LIMS1: variants seen among roughly 807,000 people sequenced by gnomAD.
The protein encoded by LIMS1 is LIM zinc finger domain containing 1.
Under a neutral mutation model 44.1 loss-of-function variants are expected in LIMS1, and 18 were observed. That is an observed-to-expected ratio of 0.41 (90% confidence interval 0.28 to 0.61). The LOEUF (loss-of-function observed/expected upper bound fraction) is 0.61, where lower values mean the gene tolerates loss of function less well. Among genes scored for constraint, LIMS1 ranks in the 20% least tolerant of loss-of-function variants. The pLI, the probability that LIMS1 is intolerant of heterozygous loss-of-function variation, is 0.32. For synonymous variants in LIMS1, 93 were observed against 149.1 expected, an observed-to-expected ratio of 0.62 and a Z score of 2.74; for missense variants, 201 against 422.0, an observed-to-expected ratio of 0.48 and a Z score of 4.59.
intron 1 of LIMS1, among the ~76,000 whole-genome samples, chr2:108,585,150 CAAAA>C (rs35679577): frequency 5.8e-5 from 4 of 69,356 alleles, no homozygotes; most frequent in African/African-American, 5.9e-5. Context: ...GACTCCGTCT[CAAAA>C]AAAAAAAAAA....
chr2:108,578,333 G>T lies in LIMS1; in HGVS notation c.32+43739G>T, dbSNP rs1306437413. ...TATTAGCATGTGTATATGTAAAGAT[G>T]TGTTTCATATATTTTTAATCTCTAC... On this transcript the variant is annotated intron_variant, in intron 1 of 9. Transcript: ENST00000544547. Among the ~76,000 whole-genome samples, 3 of 152,128 alleles carry T rather than the reference G, an allele frequency of 2.0e-5. No homozygotes were observed. The East Asian group carries it at 5.8e-4, about 29-fold the overall frequency.
intron 1 of LIMS1, among the ~76,000 whole-genome samples, chr2:108,609,853 AT>A (rs1347191927): frequency 1.5e-5 from 2 of 136,232 alleles, no homozygotes; most frequent in African/African-American, 5.0e-5. Context: ...ACTTAAAAAT[AT>A]TTTATTGGCC....
chr2:108,608,719 C>T (rs1687415830), intron 1 of LIMS1, among the ~76,000 whole-genome samples: 1 of 152,126 alleles, frequency 6.6e-6, no homozygotes. Context: ...TTTTCTTGAT[C>T]TTGAGAGAAG....
At chr2:108,679,357 A>G (rs1455614950) in intron 8 of LIMS1, among the ~76,000 whole-genome samples, 4 of 151,902 alleles carry the variant, frequency 2.6e-5, no homozygotes, top group Non-Finnish European at 5.9e-5. Flanking sequence ...GTGCATGCCT[A>G]TGATCCCAGC....
At chr2:108,606,814 T>G (rs1687294046) in intron 1 of LIMS1, among the ~76,000 whole-genome samples, 1 of 152,278 alleles carries the variant, frequency 6.6e-6, no homozygotes, top group East Asian at 1.9e-4. Context: ...TGGAGGTTCA[T>G]CCACATAGAG....
intron 1 of LIMS1, among the ~76,000 whole-genome samples, chr2:108,600,797 A>G (rs13029521): frequency 8.5e-5 from 13 of 152,382 alleles, no homozygotes; most frequent in South Asian, 4.1e-4. Flanking sequence ...TTGGAAATCC[A>G]GTAATGTGAT....
At chr2:108,681,927 T>G (rs910165217) in intron 9 of LIMS1, among the ~76,000 whole-genome samples, 5 of 152,044 alleles carry the variant, frequency 3.3e-5, no homozygotes, top group Non-Finnish European at 7.4e-5. Flanking sequence ...GTTTCGTATC[T>G]AAGCAAAGTC....
rs1236593437 is a variant in LIMS1 at position 108,551,951 on chromosome 2, G to GTA, written c.32+17358_32+17359insAT. On this transcript the variant is annotated intron_variant, in intron 1 of 9. Coordinates refer to ENST00000544547, the Ensembl canonical transcript of LIMS1. Reference sequence around the variant, plus strand: ...TATATGTGTGTGTGTGTGTGTGTGTGTGTATATATATATATATATATGTAT... The same window carrying GTA: ...TATATGTGTGTGTGTGTGTGTGTGTGTATGTATATATATATATATATATGTAT... 3.4e-3 allele frequency among the ~76,000 whole-genome samples: 438 copies of GTA among 128,318 alleles called. 2 individuals carry two copies. The highest frequency in any genetic ancestry group is 8.0e-3 in the South Asian group (34 of 4,250). The allele number at this position is 128,318 out of a possible 152,430, so 84.2% of individuals were successfully genotyped here. A position where few individuals can be genotyped will look rare whatever the true frequency, so the allele number is the denominator to read the frequency against.
At chr2:108,657,209 AC>A (rs1448059884) in intron 1 of LIMS1, among the ~76,000 whole-genome samples, 1 of 141,334 alleles carries the variant, frequency 7.1e-6, no homozygotes, top group African/African-American at 2.6e-5. Context: ...GGAAAAGAGG[AC>A]TTTTCTGCCT....
At chr2:108,553,335 C>A (rs1436995937) in intron 1 of LIMS1, among the ~76,000 whole-genome samples, 1 of 152,130 alleles carries the variant, frequency 6.6e-6, no homozygotes, top group Non-Finnish European at 1.5e-5. Flanking sequence ...CATTGCTCCA[C>A]GATTGAAGCA....
intron 1 of LIMS1, among the ~76,000 whole-genome samples, chr2:108,574,936 C>T (rs573798586): frequency 6.6e-6 from 1 of 152,110 alleles, no homozygotes; most frequent in African/African-American, 2.4e-5. Flanking sequence ...GATCCTACTT[C>T]AGATTTTTGG....
intron 1 of LIMS1, among the ~76,000 whole-genome samples, chr2:108,608,779 C>T (rs574180009): frequency 1.3e-5 from 2 of 152,170 alleles, no homozygotes; most frequent in Admixed American, 1.3e-4. Context: ...CATTCCAGTC[C>T]CCATTCTGTC....
intron 1 of LIMS1, among the ~76,000 whole-genome samples, chr2:108,634,445 A>T (rs1338355218): frequency 6.6e-6 from 1 of 152,218 alleles, no homozygotes; most frequent in Non-Finnish European, 1.5e-5. Context: ...ATTACATTTT[A>T]GGTTTTTCTC....
chr2:108,658,857 T>A (rs1462781582), intron 1 of LIMS1, among the ~76,000 whole-genome samples: 1 of 152,308 alleles, frequency 6.6e-6, no homozygotes, highest in East Asian at 1.9e-4. Flanking sequence ...CTGTTTTGAT[T>A]GACAGTGTGA....
At position 108,678,238 on chromosome 2, in the gene LIMS1, G is replaced by A. The variant is rs553036735; in HGVS notation, c.823+211G>A. On this transcript the variant is annotated intron_variant, in intron 8 of 9. Coordinates refer to ENST00000544547, the Ensembl canonical transcript of LIMS1. Reference sequence around the variant, plus strand: ...GTTACTGATTTATGACACTACTTTCGGCCACTGCTGCAGTGTTGTATGCCA... The same window carrying A: ...GTTACTGATTTATGACACTACTTTCAGCCACTGCTGCAGTGTTGTATGCCA... Among the ~76,000 whole-genome samples, 7 of 152,264 alleles carry A rather than the reference G, an allele frequency of 4.6e-5. No individual in the cohort carries two copies. The South Asian group carries it at 1.2e-3, about 27-fold the overall frequency.
At chr2:108,646,703 T>C (rs1690087717) in intron 1 of LIMS1, among the ~76,000 whole-genome samples, 1 of 151,856 alleles carries the variant, frequency 6.6e-6, no homozygotes, top group Non-Finnish European at 1.5e-5. Flanking sequence ...GGGTTTTGTT[T>C]TGTTTTATTT....
At chr2:108,631,844 G>GT (rs1688946047) in intron 1 of LIMS1, among the ~76,000 whole-genome samples, 1 of 152,188 alleles carries the variant, frequency 6.6e-6, no homozygotes, top group South Asian at 2.1e-4. Context: ...ACTTCTGTCT[G>GT]TAAGTTCCCT....
At chr2:108,585,642 G>T (rs1686070071) in intron 1 of LIMS1, among the ~76,000 whole-genome samples, 1 of 152,126 alleles carries the variant, frequency 6.6e-6, no homozygotes, top group South Asian at 2.1e-4. Flanking sequence ...GGTCAGGCTG[G>T]GGAGTAGCCA....
At chr2:108,649,382 G>A (rs1690299593) in intron 1 of LIMS1, among the ~76,000 whole-genome samples, 1 of 152,208 alleles carries the variant, frequency 6.6e-6, no homozygotes, top group South Asian at 2.1e-4. Context: ...TGGTGGGAGT[G>A]TATATTAGTT....
Sources: allele counts gnomAD v4.1 joint callset (sites outside exome capture counted in the v4.1 genomes callset), GRCh38; gene constraint gnomAD v4.1.1; transcripts MANE v1.5; gene names NCBI Gene and HGNC (gene_info 2026-07-23, HGNC 2026-07-21).